DDX19B: variants seen among roughly 807,000 people sequenced by gnomAD.
DDX19B encodes ATP-dependent RNA helicase DDX19B.
DDX19B carries 27 observed loss-of-function variants against 58.1 expected under a neutral mutation model. The observed-to-expected ratio is 0.46, with a 90% CI of 0.34 to 0.64. The LOEUF is 0.64. Among genes scored for constraint, DDX19B ranks in the 30% least tolerant of loss-of-function variants. The pLI, the probability that DDX19B is intolerant of heterozygous loss-of-function variation, is 0.01. For synonymous variants in DDX19B, 187 were observed against 214.4 expected (o/e 0.87, Z 1.12); for missense variants, 399 against 596.5 (o/e 0.67, Z 3.45).
intron 7 of DDX19B, among the ~76,000 whole-genome samples, chr16:70,328,359 A>ATTT (rs1202085538): frequency 1.3e-4 from 17 of 131,368 alleles, no homozygotes; most frequent in Non-Finnish European, 1.8e-4. Context: ...AGAATTCTGA[A>ATTT]TTTTTTTTTT....
At chr16:70,322,440 A>T (rs1359911179) in intron 5 of DDX19B, among the ~76,000 whole-genome samples, 1 of 151,738 alleles carries the variant, frequency 6.6e-6, no homozygotes, top group Non-Finnish European at 1.5e-5. Context: ...AAAAACACAA[A>T]AATAGCCATG....
chr16:70,292,705 A>G (rs1961091920), upstream of DDX19B, among the ~76,000 whole-genome samples: 1 of 152,212 alleles, frequency 6.6e-6, no homozygotes, highest in African/African-American at 2.4e-5. Flanking sequence ...CTTGCTCTCC[A>G]GTAGAACATT....
intron 7 of DDX19B, among the ~76,000 whole-genome samples, chr16:70,327,786 G>A (rs961442797): frequency 2.6e-5 from 4 of 152,064 alleles, no homozygotes; most frequent in Non-Finnish European, 4.4e-5. Context: ...GGCTTATTCT[G>A]TTAATTATTT....
chr16:70,333,236 G>T, intron 11 of DDX19B, 77 bp downstream of exon 11: 1 of 733,398 alleles, frequency 1.4e-6, no homozygotes, highest in Non-Finnish European at 2.2e-6. Flanking sequence ...AGGATCTTCT[G>T]TAGCCCCAAG....
intron 7 of DDX19B, among the ~76,000 whole-genome samples, chr16:70,325,913 C>A (rs59791510): frequency 0.071 from 10,855 of 152,236 alleles, 1,300 homozygotes; most frequent in African/African-American, 0.25. Flanking sequence ...ACATTCTTTG[C>A]CATACCTATG....
At position 70,333,596 on chromosome 16, in the gene DDX19B, C is replaced by T. The variant is rs370170630; in HGVS notation, c.*14C>T. On this transcript the variant is annotated 3_prime_UTR_variant, in exon 12 of 12. Transcript: ENST00000288071. ...ATAGCCAACTGAGAAGCTCCACCAG[C>T]CACTGATGCCAGCCCTGGCACTGCC... The T allele has an allele frequency of 6.2e-7, 1 of 1,613,892 alleles. No homozygotes were observed. Among genetic ancestry groups the T allele is most frequent in the African/African-American group, 1.3e-5 (1 of 74,930 alleles).
At chr16:70,326,159 C>T (rs540949942) in intron 7 of DDX19B, among the ~76,000 whole-genome samples, 3 of 152,242 alleles carry the variant, frequency 2.0e-5, no homozygotes, top group African/African-American at 7.2e-5. Context: ...TTGCACAGAC[C>T]AGACTAGTTG....
At chr16:70,290,437 G>C (rs1171125958), upstream of DDX19B, among the ~76,000 whole-genome samples, 3 of 152,122 alleles carry the variant, frequency 2.0e-5, no homozygotes, top group Non-Finnish European at 4.4e-5. Context: ...TGAGGCAAGG[G>C]AATCCCTTGA....
At chr16:70,314,582 T>G (rs891647383) in intron 2 of DDX19B, among the ~76,000 whole-genome samples, 1 of 151,964 alleles carries the variant, frequency 6.6e-6, no homozygotes, top group Admixed American at 6.6e-5. Flanking sequence ...GAGAATGGCG[T>G]GAACCTGGGA....
chr16:70,300,191 T>C (rs981127880), intron 1 of DDX19B, among the ~76,000 whole-genome samples: 22 of 151,000 alleles, frequency 1.5e-4, no homozygotes, highest in African/African-American at 5.2e-4. Flanking sequence ...CCAATTTTTT[T>C]CCTCCCCAGA....
chr16:70,306,482 A>G (rs1961762485), intron 1 of DDX19B, among the ~76,000 whole-genome samples: 1 of 152,112 alleles, frequency 6.6e-6, no homozygotes, highest in Non-Finnish European at 1.5e-5. Flanking sequence ...CATTGTTTTA[A>G]CCTATTAATG....
intron 1 of DDX19B, among the ~76,000 whole-genome samples, chr16:70,309,963 G>A (rs543041286): frequency 6.6e-6 from 1 of 151,960 alleles, no homozygotes; most frequent in South Asian, 2.1e-4. Context: ...ACAGAAATGC[G>A]GCCTAATGCG....
intron 5 of DDX19B, 122 bp from the exon 6 acceptor site, chr16:70,324,463 A>G (rs1261649965): frequency 1.3e-6 from 1 of 749,342 alleles, no homozygotes; most frequent in Non-Finnish European, 2.2e-6. Context: ...TGAAGCTAGC[A>G]TATGTAACTC....
chr16:70,319,727 C>T (rs536829166), intron 5 of DDX19B: 1 of 151,912 alleles, frequency 6.6e-6, no homozygotes, highest in African/African-American at 2.4e-5. Context: ...CCTGTCTCTA[C>T]TATAAATATA....
chr16:70,301,981 C>A (rs1462765974), intron 1 of DDX19B, among the ~76,000 whole-genome samples: 4 of 150,338 alleles, frequency 2.7e-5, no homozygotes, highest in Non-Finnish European at 1.5e-5. Context: ...AGTGCAATGG[C>A]ACGATCTTGG....
chr16:70,333,628 C>T lies in DDX19B; in HGVS notation c.*46C>T, dbSNP rs193274058. 45 of 1,613,802 alleles carry T rather than the reference C, an allele frequency of 2.8e-5. No individual in the cohort carries two copies. The East Asian group carries it at 8.5e-4, about 30-fold the overall frequency. On this transcript the variant is annotated 3_prime_UTR_variant, in exon 12 of 12. Coordinates refer to ENST00000288071, the MANE Select transcript of DDX19B (RefSeq NM_007242.7). ...TGCCAGCCCTGGCACTGCCCCTGCA[C>T]AGGAGACAAGTGCGTTCAGGGCACA... is the stretch of plus-strand genomic sequence containing the variant.
intron 5 of DDX19B, among the ~76,000 whole-genome samples, chr16:70,320,845 T>C (rs139594927): frequency 0.073 from 10,805 of 148,270 alleles, 1,293 homozygotes; most frequent in African/African-American, 0.25. Context: ...GCGTGAGCCA[T>C]CGTGCCCGGC....
At chr16:70,312,076 G>C (rs746871801) in intron 1 of DDX19B, among the ~76,000 whole-genome samples, 2 of 152,042 alleles carry the variant, frequency 1.3e-5, no homozygotes, top group South Asian at 2.1e-4. Flanking sequence ...TCTTGACCTC[G>C]TGATCTGCCT....
chr16:70,293,656 C>G (rs1389585578), upstream of DDX19B, among the ~76,000 whole-genome samples: 3 of 127,702 alleles, frequency 2.3e-5, no homozygotes, highest in South Asian at 2.4e-4. Context: ...CCAGGCCGGA[C>G]TGCGGACTGC....
Sources: gnomAD v4.1 joint callset for allele counts (sites outside exome capture counted in the v4.1 genomes callset) on GRCh38, gnomAD v4.1.1 for gene constraint, MANE v1.5 for transcripts, NCBI Gene and HGNC (gene_info 2026-07-23, HGNC 2026-07-21) for gene names.